Variants in ZBTB7C observed in about 807,000 individuals in gnomAD.
ZBTB7C encodes zinc finger and BTB domain-containing protein 7C.
ZBTB7C carries 8 observed loss-of-function variants against 25.7 expected under a neutral mutation model. The observed-to-expected ratio is 0.31, with a 90% CI of 0.18 to 0.56. The LOEUF (loss-of-function observed/expected upper bound fraction) is 0.56. ZBTB7C is among the 20% of genes least tolerant of loss of function. ZBTB7C has a pLI of 0.91. For synonymous variants in ZBTB7C, 394 were observed against 369.0 expected (o/e 1.07, Z -0.78); for missense variants, 824 against 855.2 (o/e 0.96, Z 0.46).
At chr18:48,290,305 G>C (rs948911569) in intron 2 of ZBTB7C, among the ~76,000 whole-genome samples, 1 of 152,208 alleles carries the variant, frequency 6.6e-6, no homozygotes, top group Non-Finnish European at 1.5e-5. Context: ...CCCAGCCTCA[G>C]TCCCACCTCC....
At chr18:48,330,844 C>T (rs2046327694) in intron 2 of ZBTB7C, among the ~76,000 whole-genome samples, 1 of 151,946 alleles carries the variant, frequency 6.6e-6, no homozygotes, top group Non-Finnish European at 1.5e-5. Context: ...AGGACTTGGG[C>T]CCCCAAAGTC....
intron 2 of ZBTB7C, among the ~76,000 whole-genome samples, chr18:48,242,964 A>G (rs1205263314): frequency 2.0e-5 from 3 of 152,114 alleles, no homozygotes; most frequent in East Asian, 1.9e-4. Flanking sequence ...AGACTTATCA[A>G]AAAAAGCTCC....
At chr18:48,038,917 G>A (rs2036093502) in intron 4 of ZBTB7C, among the ~76,000 whole-genome samples, 2 of 152,142 alleles carry the variant, frequency 1.3e-5, no homozygotes, top group African/African-American at 4.8e-5. Flanking sequence ...CTGTGGACAT[G>A]GCTGAAAAGA....
chr18:48,080,321 A>C (rs1416007144), intron 3 of ZBTB7C, among the ~76,000 whole-genome samples: 1 of 152,168 alleles, frequency 6.6e-6, no homozygotes, highest in African/African-American at 2.4e-5. Flanking sequence ...AGTTGCCCAC[A>C]AGCGACACGG....
chr18:48,037,806 G>T (rs2036042002), intron 4 of ZBTB7C, among the ~76,000 whole-genome samples: 1 of 152,234 alleles, frequency 6.6e-6, no homozygotes, highest in Admixed American at 6.5e-5. Context: ...TGCGTTGGCA[G>T]GAGAGGGCGC....
At chr18:48,282,613 C>T (rs1215709155) in intron 2 of ZBTB7C, among the ~76,000 whole-genome samples, 1 of 152,030 alleles carries the variant, frequency 6.6e-6, no homozygotes, top group Non-Finnish European at 1.5e-5. Flanking sequence ...TAAATGCCCA[C>T]CTACAATAAG....
chr18:48,117,084 T>C (rs1172647829), intron 3 of ZBTB7C, among the ~76,000 whole-genome samples: 1 of 151,976 alleles, frequency 6.6e-6, no homozygotes, highest in Non-Finnish European at 1.5e-5. Context: ...GCTGTGAATG[T>C]TGGCACCTGC....
chr18:48,093,145 C>T (rs1201971681), intron 3 of ZBTB7C, among the ~76,000 whole-genome samples: 1 of 152,242 alleles, frequency 6.6e-6, no homozygotes, highest in Non-Finnish European at 1.5e-5. Flanking sequence ...AGAGCACTGA[C>T]TGGGCTTTCC....
intron 3 of ZBTB7C, among the ~76,000 whole-genome samples, chr18:48,154,115 A>G (rs931486798): frequency 2.0e-5 from 3 of 152,214 alleles, no homozygotes; most frequent in African/African-American, 7.2e-5. Flanking sequence ...GTACCCAGTA[A>G]GCAAGCAGGG....
At chr18:48,210,184 T>A (rs2042670949) in intron 2 of ZBTB7C, among the ~76,000 whole-genome samples, 1 of 152,140 alleles carries the variant, frequency 6.6e-6, no homozygotes, top group Non-Finnish European at 1.5e-5. Context: ...TGGGCAAGGA[T>A]GTGGAGAAAT....
chr18:48,358,077 G>A (rs759446713), intron 1 of ZBTB7C, among the ~76,000 whole-genome samples: 11 of 152,190 alleles, frequency 7.2e-5, no homozygotes, highest in Non-Finnish European at 1.6e-4. Flanking sequence ...GGGACCGGAT[G>A]CAGTAGCTCA....
intron 3 of ZBTB7C, among the ~76,000 whole-genome samples, chr18:48,079,722 T>C (rs7504492): frequency 0.43 from 65,007 of 152,200 alleles, 14,866 homozygotes; most frequent in African/African-American, 0.6. Flanking sequence ...AGGGGTGGGC[T>C]CCAGCCCGCT....
intron 3 of ZBTB7C, among the ~76,000 whole-genome samples, chr18:48,079,618 A>AG (rs1181766332): frequency 1.3e-5 from 2 of 152,174 alleles, no homozygotes; most frequent in Non-Finnish European, 2.9e-5. Flanking sequence ...GCTGGGCTTT[A>AG]GGGGCCACAA....
chr18:48,106,528 C>A (rs538683576), intron 3 of ZBTB7C, among the ~76,000 whole-genome samples: 2 of 152,056 alleles, frequency 1.3e-5, no homozygotes, highest in Admixed American at 1.3e-4. Context: ...TAAAACTATT[C>A]CCCATGTTAT....
chr18:48,033,444 G>T (rs1331334567), intron 4 of ZBTB7C, among the ~76,000 whole-genome samples: 4 of 152,222 alleles, frequency 2.6e-5, no homozygotes, highest in African/African-American at 9.6e-5. Context: ...GGCACCGGTA[G>T]CCAGCTTTCT....
chr18:48,069,541 A>G (rs1568192964), intron 3 of ZBTB7C, among the ~76,000 whole-genome samples: 1 of 152,192 alleles, frequency 6.6e-6, no homozygotes, highest in African/African-American at 2.4e-5. Context: ...AGCTCACAGA[A>G]CATGCCCAAG....
chr18:48,390,920 G>C (rs2047886598), intron 1 of ZBTB7C, among the ~76,000 whole-genome samples: 1 of 152,142 alleles, frequency 6.6e-6, no homozygotes, highest in Admixed American at 6.5e-5. Flanking sequence ...AATGACTCTT[G>C]CATTTACCTT....
At chr18:48,150,224 G>A (rs2040632514) in intron 3 of ZBTB7C, among the ~76,000 whole-genome samples, 1 of 152,136 alleles carries the variant, frequency 6.6e-6, no homozygotes, top group Admixed American at 6.5e-5. Context: ...TTCACTGCCT[G>A]TAAAAGTCAC....
At chr18:48,320,124 G>A (rs1232746043) in intron 2 of ZBTB7C, among the ~76,000 whole-genome samples, 2 of 152,030 alleles carry the variant, frequency 1.3e-5, no homozygotes, top group African/African-American at 4.8e-5. Context: ...ACCGAGAAAG[G>A]GACATGCAAG....
Sources: allele counts gnomAD v4.1 joint callset (sites outside exome capture counted in the v4.1 genomes callset), GRCh38; gene constraint gnomAD v4.1.1; transcripts MANE v1.5; gene names NCBI Gene and HGNC (gene_info 2026-07-23, HGNC 2026-07-21).